The following GRAMD4 variants were observed in gnomAD, a reference collection of about 807,000 sequenced individuals.
GRAMD4 encodes GRAM domain containing 4.
A neutral mutation model predicts 83.9 loss-of-function variants in GRAMD4; 25 were observed. The ratio of observed to expected loss-of-function variants is 0.30; its 90% confidence interval spans 0.22 to 0.42. GRAMD4 has a LOEUF of 0.42. GRAMD4 is among the 10% of genes least tolerant of loss of function. The pLI is 1.00. For synonymous variants in GRAMD4, 336 were observed against 320.9 expected (o/e 1.05, Z -0.50); for missense variants, 593 against 788.7 (o/e 0.75, Z 2.97).
At chr22:46,657,630 C>T (rs889547049) in intron 3 of GRAMD4, among the ~76,000 whole-genome samples, 1 of 152,222 alleles carries the variant, frequency 6.6e-6, no homozygotes, top group Non-Finnish European at 1.5e-5. Context: ...TGACTCAGAA[C>T]TCACCTTCTC....
intron 1 of GRAMD4, chr22:46,577,378 T>G (rs10439938): frequency 0.6 from 422,249 of 700,200 alleles, 111,477 homozygotes; most frequent in Non-Finnish European, 0.62. Flanking sequence ...GCGACCCAGC[T>G]CACTCGGCCG....
intron 1 of GRAMD4, among the ~76,000 whole-genome samples, chr22:46,611,197 C>T (rs2081413275): frequency 6.9e-6 from 1 of 145,820 alleles, no homozygotes; most frequent in South Asian, 2.2e-4. Flanking sequence ...GCCTGGGTAA[C>T]AGGAGCGAAA....
Position 46,637,973 on chromosome 22 carries a change from A to C in GRAMD4, c.283+13A>C. 1.2e-6 allele frequency: 2 copies of C among 1,608,742 alleles called. No homozygotes were observed. The highest frequency in any genetic ancestry group is 2.2e-5 in the East Asian group (1 of 44,574). ...AAACATTTCTTACGTGAGTACCAGA[A>C]AGCGCTTGGAGGGGATGGGACAAGG... On this transcript the variant is annotated intron_variant, in intron 3 of 18. Transcript: ENST00000406902.
intron 15 of GRAMD4, 63 bp downstream of exon 15, chr22:46,673,877 G>A: frequency 6.4e-7 from 1 of 1,571,492 alleles, no homozygotes; most frequent in Non-Finnish European, 8.7e-7. Flanking sequence ...CCCGTGAGGG[G>A]GGCGCTGTGG....
At chr22:46,681,987 A>C (rs2082673560), downstream of GRAMD4, among the ~76,000 whole-genome samples, 1 of 152,224 alleles carries the variant, frequency 6.6e-6, no homozygotes, top group African/African-American at 2.4e-5. Flanking sequence ...CAGCCAAGGA[A>C]GGACCCCAAG....
intron 3 of GRAMD4, among the ~76,000 whole-genome samples, chr22:46,644,897 C>CTTTTTTTTTTTTTTTTTT (rs35677843): frequency 2.4e-5 from 1 of 40,986 alleles, no homozygotes; most frequent in Non-Finnish European, 4.0e-5. Flanking sequence ...TGCACATGGC[C>CTTTTTTTTTTTTTTTTTT]TTTTTTTTTT....
intron 1 of GRAMD4, among the ~76,000 whole-genome samples, chr22:46,610,318 C>A (rs538255321): frequency 1.3e-5 from 2 of 152,214 alleles, no homozygotes; most frequent in African/African-American, 4.8e-5. Context: ...CTTCTGTGAG[C>A]GTTCTTATTC....
intron 1 of GRAMD4, 29 bp from the exon 2 acceptor site, chr22:46,626,722 G>T: frequency 7.0e-7 from 1 of 1,435,178 alleles, no homozygotes; most frequent in African/African-American, 1.4e-5. Context: ...GGTGGCGAGC[G>T]GGAGAGTGAC....
At chr22:46,642,215 C>A (rs2081983628) in intron 3 of GRAMD4, among the ~76,000 whole-genome samples, 1 of 152,244 alleles carries the variant, frequency 6.6e-6, no homozygotes, top group Non-Finnish European at 1.5e-5. Context: ...TCATCGCCAG[C>A]ATTTCCTGCC....
chr22:46,644,099 C>T (rs561301154), intron 3 of GRAMD4, among the ~76,000 whole-genome samples: 1 of 152,236 alleles, frequency 6.6e-6, no homozygotes, highest in Non-Finnish European at 1.5e-5. Context: ...TTAAGGTGCT[C>T]ACACTTTCTG....
chr22:46,640,521 G>A (rs1052215500), intron 3 of GRAMD4, among the ~76,000 whole-genome samples: 2 of 152,162 alleles, frequency 1.3e-5, no homozygotes, highest in Admixed American at 6.5e-5. Flanking sequence ...AGCTGCTGGC[G>A]TCCCTGGACC....
At chr22:46,587,358 T>G (rs1281227255) in intron 1 of GRAMD4, among the ~76,000 whole-genome samples, 1 of 151,916 alleles carries the variant, frequency 6.6e-6, no homozygotes, top group Non-Finnish European at 1.5e-5. Context: ...TTTAAGTGTG[T>G]GGGGGTGGGA....
rs372875235 is a variant in GRAMD4, at chr22:46,668,772, C to G, written c.975-27C>G. On this transcript the variant is annotated intron_variant, in intron 12 of 18. Coordinates refer to ENST00000406902, the MANE Select transcript of GRAMD4 (RefSeq NM_015124.5). ...CCACCCCGGCCCTGCGGCGCCCGCC[C>G]GGCCTGAGCCTCCCGTCTCCTTCCA... 4.6e-6 allele frequency: 6 copies of G among 1,303,226 alleles called. No homozygotes were observed. In the South Asian group the frequency reaches 6.9e-5, roughly 15 times the overall value. The allele number at this position is 1,303,226 out of a possible 1,614,324, so 80.7% of individuals were successfully genotyped here.
intron 1 of GRAMD4, among the ~76,000 whole-genome samples, chr22:46,605,274 G>A (rs1390825827): frequency 6.6e-6 from 1 of 152,256 alleles, no homozygotes; most frequent in African/African-American, 2.4e-5. Flanking sequence ...TCTGGCAAAT[G>A]TCAGAATTTC....
intron 1 of GRAMD4, among the ~76,000 whole-genome samples, chr22:46,589,883 G>C (rs898017919): frequency 2.0e-5 from 3 of 152,114 alleles, no homozygotes; most frequent in East Asian, 3.9e-4. Context: ...CAGCCCCTCA[G>C]AGAGGCCTCC....
At chr22:46,603,745 T>A (rs2081338956) in intron 1 of GRAMD4, among the ~76,000 whole-genome samples, 1 of 151,698 alleles carries the variant, frequency 6.6e-6, no homozygotes, top group African/African-American at 2.4e-5. Flanking sequence ...CTCGATCTCC[T>A]GACCTCCTGA....
At chr22:46,651,472 C>T (rs908115646) in intron 3 of GRAMD4, among the ~76,000 whole-genome samples, 3 of 152,234 alleles carry the variant, frequency 2.0e-5, no homozygotes, top group East Asian at 3.8e-4. Flanking sequence ...GGCTCCTATC[C>T]CTGGGTCTCC....
At chr22:46,649,744 C>T (rs888964582) in intron 3 of GRAMD4, among the ~76,000 whole-genome samples, 1 of 152,186 alleles carries the variant, frequency 6.6e-6, no homozygotes, top group African/African-American at 2.4e-5. Context: ...TAAATGACAC[C>T]GCAATAAATA....
At chr22:46,579,364 C>G (rs1018273137) in intron 1 of GRAMD4, among the ~76,000 whole-genome samples, 7 of 152,216 alleles carry the variant, frequency 4.6e-5, no homozygotes, top group African/African-American at 1.7e-4. Flanking sequence ...GGAGGAGAAT[C>G]AGAGCCGGTT....
Sources: allele counts gnomAD v4.1 joint callset (sites outside exome capture counted in the v4.1 genomes callset), GRCh38; gene constraint gnomAD v4.1.1; transcripts MANE v1.5; gene names NCBI Gene and HGNC (gene_info 2026-07-23, HGNC 2026-07-21).